Variants in LMBR1 observed in about 807,000 individuals in gnomAD.
LMBR1 encodes the protein limb development membrane protein 1, also known as limb region 1 protein homolog.
LMBR1 carries 52 observed loss-of-function variants against 73.9 expected under a neutral mutation model. The ratio of observed to expected loss-of-function variants is 0.70; its 90% CI spans 0.56 to 0.89. The LOEUF (loss-of-function observed/expected upper bound fraction) is 0.89, where lower values mean the gene tolerates loss of function less well. Ranked by LOEUF, LMBR1 falls within the 40% of genes least tolerant of loss-of-function variation. The pLI is 0.00. For synonymous variants in LMBR1, 215 were observed against 209.4 expected (o/e 1.03, Z -0.23); for missense variants, 539 against 579.8 (o/e 0.93, Z 0.72).
At chr7:156,822,727 T>G (rs1184653555) in intron 4 of LMBR1, 1 of 151,370 alleles carries the variant, frequency 6.6e-6, no homozygotes, top group African/African-American at 2.4e-5. Flanking sequence ...AAAATTGAAA[T>G]GAAAAGCTGA....
At chr7:156,842,766 A>G (rs1838944294) in intron 1 of LMBR1, among the ~76,000 whole-genome samples, 1 of 152,200 alleles carries the variant, frequency 6.6e-6, no homozygotes, top group African/African-American at 2.4e-5. Flanking sequence ...AGGCAAGTCC[A>G]AGCTAAAACC....
At chr7:156,850,723 T>C (rs11763829) in intron 1 of LMBR1, among the ~76,000 whole-genome samples, 15,442 of 152,260 alleles carry the variant, frequency 0.1, 903 homozygotes, top group African/African-American at 0.12. Context: ...TACAATTGTA[T>C]ACCCACACAA....
intron 15 of LMBR1, among the ~76,000 whole-genome samples, chr7:156,697,271 AT>A (rs1254710319): frequency 6.6e-6 from 1 of 152,210 alleles, no homozygotes; most frequent in Non-Finnish European, 1.5e-5. Context: ...CAAAGATCAC[AT>A]GCTTCTGAGG....
chr7:156,817,713 C>A (rs1563439810), intron 4 of LMBR1, among the ~76,000 whole-genome samples: 3 of 149,942 alleles, frequency 2.0e-5, no homozygotes, highest in African/African-American at 7.4e-5. Context: ...ATGTAAATAC[C>A]AAAAAAAAAT....
intron 1 of LMBR1, among the ~76,000 whole-genome samples, chr7:156,860,398 G>A (rs1390550404): frequency 6.6e-6 from 1 of 152,078 alleles, no homozygotes; most frequent in Admixed American, 6.6e-5. Flanking sequence ...GACCCGCCTC[G>A]TGATTCAATT....
chr7:156,840,172 A>G (rs1457874729), intron 1 of LMBR1, among the ~76,000 whole-genome samples: 2 of 152,184 alleles, frequency 1.3e-5, no homozygotes, highest in African/African-American at 4.8e-5. Context: ...TATACCAGGC[A>G]CTCTTCTAGG....
intron 1 of LMBR1, among the ~76,000 whole-genome samples, chr7:156,866,712 T>C (rs533445539): frequency 6.6e-6 from 1 of 151,436 alleles, no homozygotes; most frequent in South Asian, 2.1e-4. Context: ...CAAGAGATTC[T>C]CCTGCCTCAG....
intron 1 of LMBR1, among the ~76,000 whole-genome samples, chr7:156,869,905 T>C (rs1182665455): frequency 6.6e-6 from 1 of 152,038 alleles, no homozygotes; most frequent in East Asian, 1.9e-4. Flanking sequence ...CATTTCTCAT[T>C]ATAAAAAAGG....
chr7:156,824,175 TTG>T (rs1835279321), intron 4 of LMBR1, among the ~76,000 whole-genome samples: 3 of 152,150 alleles, frequency 2.0e-5, no homozygotes, highest in Admixed American at 6.5e-5. Context: ...GGAGTTTTCC[TTG>T]TTTCTACATT....
intron 5 of LMBR1, among the ~76,000 whole-genome samples, chr7:156,790,092 A>AT (rs997831912): frequency 3.2e-4 from 49 of 152,164 alleles, no homozygotes; most frequent in African/African-American, 8.4e-4. Flanking sequence ...ACAAATACCT[A>AT]TTTTTTTACA....
At chr7:156,749,606 TC>T (rs1820459496) in intron 9 of LMBR1, among the ~76,000 whole-genome samples, 1 of 152,206 alleles carries the variant, frequency 6.6e-6, no homozygotes, top group Non-Finnish European at 1.5e-5. Flanking sequence ...AAAAAGGTAT[TC>T]CAATCTGACA....
intron 15 of LMBR1, among the ~76,000 whole-genome samples, chr7:156,708,099 G>A (rs1811349288): frequency 6.6e-6 from 1 of 151,354 alleles, no homozygotes; most frequent in Non-Finnish European, 1.5e-5. Context: ...ATTTACAATA[G>A]CCAGAAAAAA....
At chr7:156,745,603 C>T (rs1819706823) in intron 9 of LMBR1, among the ~76,000 whole-genome samples, 1 of 152,314 alleles carries the variant, frequency 6.6e-6, no homozygotes, top group Admixed American at 6.5e-5. Context: ...AGAACAACAA[C>T]GCAAGGCCAG....
intron 7 of LMBR1, among the ~76,000 whole-genome samples, chr7:156,762,846 A>AGAGAGTGT (rs371734470): frequency 6.7e-6 from 1 of 148,628 alleles, no homozygotes; most frequent in African/African-American, 2.5e-5. Context: ...TGTGAGTGTG[A>AGAGAGTGT]GTGTGTGTGT....
intron 3 of LMBR1, among the ~76,000 whole-genome samples, chr7:156,829,397 T>C (rs915905120): frequency 1.3e-5 from 2 of 152,194 alleles, no homozygotes; most frequent in Non-Finnish European, 2.9e-5. Context: ...GACCCTACAG[T>C]AATGAGTGAG....
At chr7:156,867,900 G>A (rs1200975925) in intron 1 of LMBR1, among the ~76,000 whole-genome samples, 1 of 151,910 alleles carries the variant, frequency 6.6e-6, no homozygotes, top group African/African-American at 2.4e-5. Context: ...CTACCGAATT[G>A]GATAAATTAT....
chr7:156,840,893 A>T (rs916853933), intron 1 of LMBR1, among the ~76,000 whole-genome samples: 2 of 142,928 alleles, frequency 1.4e-5, no homozygotes, highest in African/African-American at 2.6e-5. Context: ...TGAACCTGGG[A>T]GGCAGAGGTT....
At position 156,689,212 on chromosome 7, in the gene LMBR1, C is replaced by T. The variant is rs200284467; in HGVS notation, c.1226-1021G>A. Among the ~76,000 whole-genome samples the T allele has an allele frequency of 3.4e-4, 51 of 151,990 alleles. 1 individual carries two copies. The East Asian group carries it at 3.9e-3, about 12-fold the overall frequency. The stretch of plus-strand genomic sequence containing the variant: ...TAAATAAATCACATCATTCAGGTGT[C>T]GGTCAAGAGACAGATAATGGGAATG... On this transcript the variant is annotated intron_variant, in intron 15 of 16. Coordinates refer to ENST00000353442, the MANE Select transcript of LMBR1 (RefSeq NM_022458.4).
At chr7:156,800,557 C>T (rs79039122) in intron 4 of LMBR1, among the ~76,000 whole-genome samples, 1 of 149,524 alleles carries the variant, frequency 6.7e-6, no homozygotes, top group African/African-American at 2.5e-5. Flanking sequence ...GATGAAAGAG[C>T]CCTGGTGGAG....
Sources: allele counts gnomAD v4.1 joint callset (sites outside exome capture counted in the v4.1 genomes callset), GRCh38; gene constraint gnomAD v4.1.1; transcripts MANE v1.5; gene names NCBI Gene and HGNC (gene_info 2026-07-23, HGNC 2026-07-21).